The following WFDC6 variants were observed in gnomAD, a reference collection of about 807,000 sequenced individuals.
The protein encoded by WFDC6 is WAP four-disulfide core domain protein 6.
A neutral mutation model predicts 8.2 loss-of-function variants in WFDC6; 10 were observed. The observed-to-expected ratio is 1.22, with a 90% CI of 0.75 to 2.07. WFDC6 has a LOEUF of 2.07. Ranked by LOEUF, WFDC6 falls within the 30% of genes most tolerant of loss-of-function variation. The pLI is 0.00. For missense variants in WFDC6, 105 were observed against 104.9 expected, an observed-to-expected ratio of 1.00 and a Z score of 0.00; for synonymous variants, 28 against 37.0, an observed-to-expected ratio of 0.76 and a Z score of 0.88.
intron 2 of WFDC6, chr20:45,537,604 A>G (rs1372949796): frequency 1.3e-6 from 2 of 1,510,276 alleles, no homozygotes; most frequent in Non-Finnish European, 1.8e-6. Context: ...TATAGCTATC[A>G]TATAACCTGA....
At position 45,535,015 on chromosome 20, in the gene WFDC6, C is replaced by T. The variant is rs1305499545; in HGVS notation, c.223-510G>A. ...AATCCCTCCCTTCCCACCCTCTTTCCCAAAATATCCTTCTACTTATACTTC... is the reference window on the plus strand; with the variant it reads ...AATCCCTCCCTTCCCACCCTCTTTCTCAAAATATCCTTCTACTTATACTTC... On this transcript the variant is annotated intron_variant, in intron 2 of 2. Transcript: ENST00000372670. The T allele has an allele frequency of 4.8e-6, 4 of 839,840 alleles. No homozygotes were observed. The East Asian group carries it at 2.6e-4, about 54-fold the overall frequency. The allele number at this position is 839,840 out of a possible 1,614,324, so 52.0% of individuals were successfully genotyped here. A position where few individuals can be genotyped will look rare whatever the true frequency, so the allele number is the denominator to read the frequency against.
intron 2 of WFDC6, chr20:45,535,389 C>CGAGA: frequency 2.4e-6 from 3 of 1,229,260 alleles, no homozygotes; most frequent in Admixed American, 6.0e-5. Context: ...GAATGTCCAT[C>CGAGA]TCTCCCCTTC....
chr20:45,538,223 C>T (rs1409254564), intron 1 of WFDC6, 129 bp from the exon 2 acceptor site: 3 of 1,495,326 alleles, frequency 2.0e-6, no homozygotes, highest in Non-Finnish European at 2.7e-6. Context: ...AAGGTAGTGG[C>T]CCTCAGGGGG....
chr20:45,537,419 T>C, intron 2 of WFDC6: 1 of 1,097,688 alleles, frequency 9.1e-7, no homozygotes, highest in East Asian at 2.6e-5. Flanking sequence ...TCAATATTTG[T>C]TGAATGAATA....
chr20:45,536,969 G>C (rs1979389061), intron 2 of WFDC6: 1 of 157,342 alleles, frequency 6.4e-6, no homozygotes, highest in South Asian at 1.9e-4. Context: ...TGAAACCACA[G>C]ATGCCTGGCT....
At chr20:45,538,708 A>G (rs899909389) in intron 1 of WFDC6, among the ~76,000 whole-genome samples, 12 of 152,204 alleles carry the variant, frequency 7.9e-5, no homozygotes, top group African/African-American at 2.9e-4. Context: ...CACATTTTGT[A>G]AACAGAAGAA....
At chr20:45,535,164 AT>A (rs1402583195) in intron 2 of WFDC6, 1 of 1,303,578 alleles carries the variant, frequency 7.7e-7, no homozygotes, top group Non-Finnish European at 1.0e-6. Context: ...GACTTATGGT[AT>A]TTTTTGCAGG....
intron 2 of WFDC6, among the ~76,000 whole-genome samples, chr20:45,535,484 C>A (rs904671422): frequency 6.6e-6 from 1 of 152,156 alleles, no homozygotes; most frequent in Non-Finnish European, 1.5e-5. Context: ...CCTGACCACT[C>A]ATTTTACCTC....
At chr20:45,536,965 C>A in intron 2 of WFDC6, 2 of 157,104 alleles carry the variant, frequency 1.3e-5, no homozygotes, top group Non-Finnish European at 2.8e-5. Flanking sequence ...AATATGAAAC[C>A]ACAGATGCCT....
intron 2 of WFDC6, chr20:45,537,669 C>T (rs1046121983): frequency 8.3e-7 from 1 of 1,209,138 alleles, no homozygotes; most frequent in Non-Finnish European, 1.2e-6. Flanking sequence ...TCGAGAATCA[C>T]TGAAGAGTAG....
intron 2 of WFDC6, chr20:45,535,314 G>T (rs1218646587): frequency 3.8e-6 from 5 of 1,303,702 alleles, no homozygotes; most frequent in Non-Finnish European, 5.1e-6. Flanking sequence ...AGCCTCCTGT[G>T]GCATACTGCA....
chr20:45,534,234 C>G lies in WFDC6; in HGVS notation c.*233G>C. The stretch of plus-strand genomic sequence containing the variant: ...AGCACTTTATTAAGGCAACTGAAGC[C>G]TTCATACAAATAAATGGGGGGTCTG... On this transcript the variant is annotated 3_prime_UTR_variant, in exon 3 of 3. Coordinates refer to ENST00000372670, the MANE Select transcript of WFDC6 (RefSeq NM_080827.2). 3 of 587,506 alleles carry G rather than the reference C, an allele frequency of 5.1e-6. No individual in the cohort carries two copies. In the South Asian group the frequency reaches 6.1e-5, roughly 12 times the overall value. 36.4% of individuals were successfully genotyped at this position (587,506 alleles called of 1,614,324 possible). A position where few individuals can be genotyped will look rare whatever the true frequency, so the allele number is the denominator to read the frequency against.
intron 2 of WFDC6, among the ~76,000 whole-genome samples, chr20:45,536,251 G>GA (rs11467724): frequency 0.26 from 38,153 of 147,036 alleles, 4,974 homozygotes; most frequent in East Asian, 0.42. Context: ...AGTATTCACA[G>GA]AAAAAAAAAA....
At chr20:45,537,552 T>C in intron 2 of WFDC6, 2 of 1,549,982 alleles carry the variant, frequency 1.3e-6, no homozygotes, top group South Asian at 1.2e-5. Context: ...CAGAGAGGCC[T>C]AGAGAAAAAA....
chr20:45,534,249 T>A lies in WFDC6; in HGVS notation c.*218A>T, dbSNP rs1034703010. The A allele has an allele frequency of 1.7e-6, 1 of 602,912 alleles. No individual in the cohort carries two copies. The highest frequency in any genetic ancestry group is 3.0e-6 in the Non-Finnish European group (1 of 336,820). The allele number at this position is 602,912 out of a possible 1,614,324, so 37.3% of individuals were successfully genotyped here. On this transcript the variant is annotated 3_prime_UTR_variant, in exon 3 of 3. Coordinates refer to ENST00000372670, the MANE Select transcript of WFDC6 (RefSeq NM_080827.2). ...CAACTGAAGCCTTCATACAAATAAA[T>A]GGGGGGTCTGAAAGTTGAAGACATA...
chr20:45,538,700 C>T (rs1367549367), intron 1 of WFDC6, among the ~76,000 whole-genome samples: 1 of 152,196 alleles, frequency 6.6e-6, no homozygotes, highest in Admixed American at 6.5e-5. Flanking sequence ...TTAATATTCA[C>T]ATTTTGTAAA....
At position 45,537,920 on chromosome 20, in the gene WFDC6, T is replaced by C. The variant is rs563912270; in HGVS notation, c.222+44A>G. On this transcript the variant is annotated intron_variant, in intron 2 of 2. Coordinates refer to ENST00000372670, the MANE Select transcript of WFDC6 (RefSeq NM_080827.2). ...AGAGGTAGTGCAGTGCAGGTGGAGATAGGAGGTGAGGGCACTGGGTAATTT... is the reference window on the plus strand; with the variant it reads ...AGAGGTAGTGCAGTGCAGGTGGAGACAGGAGGTGAGGGCACTGGGTAATTT... 5.0e-6 allele frequency: 8 copies of C among 1,613,174 alleles called. No homozygotes were observed. The Admixed American group carries it at 1.2e-4, about 24-fold the overall frequency.
At chr20:45,534,915 T>C (rs1239774375) in intron 2 of WFDC6, among the ~76,000 whole-genome samples, 1 of 152,228 alleles carries the variant, frequency 6.6e-6, no homozygotes, top group Admixed American at 6.5e-5. Flanking sequence ...TCTGACCTGG[T>C]CTGGGATACT....
At chr20:45,535,478 A>C in intron 2 of WFDC6, 1 of 914,800 alleles carries the variant, frequency 1.1e-6, no homozygotes, top group Non-Finnish European at 1.4e-6. Context: ...GTGAACCCTG[A>C]CCACTCATTT....
Sources: gnomAD v4.1 joint callset for allele counts (sites outside exome capture counted in the v4.1 genomes callset) on GRCh38, gnomAD v4.1.1 for gene constraint, MANE v1.5 for transcripts, NCBI Gene and HGNC (gene_info 2026-07-23, HGNC 2026-07-21) for gene names.